The following IQGAP3 variants were observed in gnomAD, a reference collection of about 807,000 sequenced individuals.
IQGAP3 encodes IQ motif containing GTPase activating protein 3.
In IQGAP3, 165 loss-of-function variants were observed where a neutral mutation model predicts 208.2. That is an observed-to-expected ratio of 0.79 (90% CI 0.70 to 0.90). The LOEUF is 0.90. IQGAP3 is among the 40% of genes least tolerant of loss of function. IQGAP3 has a pLI of 0.00. For missense variants in IQGAP3, 1,811 were observed against 2,043.1 expected (o/e 0.89, Z 2.19); for synonymous variants, 703 against 803.6 (o/e 0.87, Z 2.12).
intron 11 of IQGAP3, among the ~76,000 whole-genome samples, chr1:156,559,449 G>A (rs1381490979): frequency 1.3e-5 from 2 of 152,224 alleles, no homozygotes; most frequent in Non-Finnish European, 2.9e-5. Flanking sequence ...ACATCAAGGA[G>A]AGCACAATCT....
intron 16 of IQGAP3, 102 bp downstream of exon 16, chr1:156,550,159 G>A (rs1675477259): frequency 1.3e-6 from 1 of 769,340 alleles, no homozygotes; most frequent in Admixed American, 2.1e-5. Context: ...AGAGGTTGAA[G>A]GGAGAGGGTG....
chr1:156,551,146 A>C (rs1428420367), intron 15 of IQGAP3, among the ~76,000 whole-genome samples: 1 of 152,192 alleles, frequency 6.6e-6, no homozygotes, highest in Non-Finnish European at 1.5e-5. Flanking sequence ...CTTACACCCC[A>C]TAACTATGAG....
chr1:156,532,791 G>A (rs982139259), intron 32 of IQGAP3, among the ~76,000 whole-genome samples, 189 bp downstream of exon 32: 1 of 152,158 alleles, frequency 6.6e-6, no homozygotes, highest in Non-Finnish European at 1.5e-5. Context: ...AGAGCAAAAA[G>A]CTGAGGATAC....
intron 3 of IQGAP3, 137 bp from the exon 4 acceptor site, chr1:156,566,241 C>T (rs1355516336): frequency 1.7e-6 from 2 of 1,211,398 alleles, no homozygotes; most frequent in African/African-American, 3.0e-5. Flanking sequence ...GATTTTCCAT[C>T]CCTACCAGGA....
chr1:156,538,970 C>G lies in IQGAP3; in HGVS notation c.3120G>C (p.Val1040=). ...TGNPTVVRLV[V]RFYRNGRGQS... ...GTCCCCGCCCATTACGGTAGAATCT[C>G]ACCACCAGCCTCACCACTGTTGGGT... Residue 1040 remains valine, a synonymous_variant, in exon 26 of 38, where the codon GTG becomes GTC. Transcript: ENST00000361170. The G allele has an allele frequency of 6.2e-7, 1 of 1,614,210 alleles. No homozygotes were observed. Among genetic ancestry groups the G allele is most frequent in the Non-Finnish European group, 8.5e-7 (1 of 1,180,022 alleles).
chr1:156,538,599 A>G (rs1403603177), intron 26 of IQGAP3, among the ~76,000 whole-genome samples: 1 of 152,260 alleles, frequency 6.6e-6, no homozygotes, highest in Non-Finnish European at 1.5e-5. Flanking sequence ...GTCTGAAGTC[A>G]TTTACATCAG....
intron 2 of IQGAP3, 59 bp from the exon 3 acceptor site, chr1:156,566,605 C>A (rs1298860725): frequency 1.3e-6 from 2 of 1,545,378 alleles, no homozygotes; most frequent in African/African-American, 1.4e-5. Context: ...TTTATTCTAA[C>A]AACAGGAACT....
At chr1:156,540,098 A>T in intron 23 of IQGAP3, 108 bp from the exon 24 acceptor site, 1 of 1,270,180 alleles carries the variant, frequency 7.9e-7, no homozygotes, top group Non-Finnish European at 1.1e-6. Flanking sequence ...CTGCTGTTCA[A>T]GGAACAGGCA....
Position 156,561,902 on chromosome 1 carries a change from A to G in IQGAP3, c.977T>C (p.Val326Ala), listed in dbSNP as rs779927496. The change falls in exon 10 of 38, where the codon GTG becomes GCG. Residue 326 changes from valine (V) to alanine (A), a missense_variant. Transcript: ENST00000361170. ...LQDPALALRGVRRDFADWYLE... is the reference protein window; with the variant it reads ...LQDPALALRGARRDFADWYLE... Reference sequence around the variant, plus strand: ...GTACCAGTCAGCAAAGTCTCTCCTCACCCCTCGCAGGGCCAGGGCAGGGTC... The same window carrying G: ...GTACCAGTCAGCAAAGTCTCTCCTCGCCCCTCGCAGGGCCAGGGCAGGGTC... The G allele has an allele frequency of 1.2e-6, 2 of 1,613,306 alleles. No individual in the cohort carries two copies. The highest frequency in any genetic ancestry group is 1.3e-5 in the African/African-American group (1 of 74,628).
At position 156,551,772 on chromosome 1, in the gene IQGAP3, T is replaced by A. The variant is rs1322146684; in HGVS notation, c.1667A>T (p.Asp556Val). The A allele has an allele frequency of 6.2e-7, 1 of 1,613,848 alleles. No homozygotes were observed. Among genetic ancestry groups the A allele is most frequent in the East Asian group, 2.2e-5 (1 of 44,880 alleles). The change falls in exon 15 of 38, where the codon GAT becomes GTT. Residue 556 changes from aspartate (D) to valine (V), a missense_variant. By Grantham distance (152) the Asp-to-Val change is radical. Transcript: ENST00000361170. ...ALLLPAAGLD[D>V]VSLPVAPRYH... ...CCGAGGGGCGACAGGGAGGCTGACATCATCTAGGCCAGCTGCAGGAAGCAG... is the reference window on the plus strand; with the variant it reads ...CCGAGGGGCGACAGGGAGGCTGACAACATCTAGGCCAGCTGCAGGAAGCAG...
rs563291993 is a variant in IQGAP3, at chr1:156,541,374, C to T, written c.2531-458G>A. 2.6e-5 allele frequency among the ~76,000 whole-genome samples: 4 copies of T among 152,170 alleles called. No individual in the cohort carries two copies. The East Asian group carries it at 5.8e-4, about 22-fold the overall frequency. Reference sequence around the variant, plus strand: ...TGCTCCTCTGTCAGGAATGTCTGTACACACCGGGAAGGACAGGTAGACGGG... The same window carrying T: ...TGCTCCTCTGTCAGGAATGTCTGTATACACCGGGAAGGACAGGTAGACGGG... On this transcript the variant is annotated intron_variant, in intron 22 of 37. Transcript: ENST00000361170.
At position 156,551,967 on chromosome 1, in the gene IQGAP3, T is replaced by C. The variant is rs894643949; in HGVS notation, c.1570+7A>G. 1 of 1,613,286 alleles carries C rather than the reference T, an allele frequency of 6.2e-7. No individual in the cohort carries two copies. Among genetic ancestry groups the C allele is most frequent in the African/African-American group, 1.3e-5 (1 of 74,916 alleles). Reference sequence around the variant, plus strand: ...GCCATCTCCACCCAGCTCCAGACTATACTTACGGTCAGTCTCTTCCTGGGT... The same window carrying C: ...GCCATCTCCACCCAGCTCCAGACTACACTTACGGTCAGTCTCTTCCTGGGT... On this transcript the variant is annotated splice_region_variant and intron_variant, in intron 14 of 37. Coordinates refer to ENST00000361170, the MANE Select transcript of IQGAP3 (RefSeq NM_178229.5).
rs550413908 is a variant in IQGAP3, at chr1:156,526,233, G to A, written c.*253C>T. 1.9e-5 allele frequency: 9 copies of A among 478,194 alleles called. No individual in the cohort carries two copies. In the South Asian group the frequency reaches 2.5e-4, roughly 13 times the overall value. 29.6% of individuals were successfully genotyped at this position (478,194 alleles called of 1,614,324 possible). A position where few individuals can be genotyped will look rare whatever the true frequency, so the allele number is the denominator to read the frequency against. ...AGGTCCATGTCCTACCATCTGGCAG[G>A]AAAGCCAGGGGTTTGTCATGCATGA... On this transcript the variant is annotated 3_prime_UTR_variant, in exon 38 of 38. Transcript: ENST00000361170.
intron 27 of IQGAP3, among the ~76,000 whole-genome samples, chr1:156,536,345 T>C (rs1357394021): frequency 1.5e-4 from 1 of 6,662 alleles, no homozygotes; most frequent in Non-Finnish European, 6.3e-4. Context: ...TAGAGGTTCG[T>C]GTTAAGTGAC....
rs747608925 is a variant in IQGAP3, at chr1:156,536,988, G to A, written c.3422+193C>T. The A allele has an allele frequency of 2.5e-5, 13 of 510,490 alleles. 1 individual carries two copies. The highest frequency in any genetic ancestry group is 1.4e-4 in the South Asian group (4 of 28,296). 31.6% of individuals were successfully genotyped at this position (510,490 alleles called of 1,614,324 possible). A position where few individuals can be genotyped will look rare whatever the true frequency, so the allele number is the denominator to read the frequency against. On this transcript the variant is annotated intron_variant, in intron 27 of 37. Coordinates refer to ENST00000361170, the MANE Select transcript of IQGAP3 (RefSeq NM_178229.5). ...CAGGCCACACACAGACTTGCACGCC[G>A]TCTCTCAGCTCAGCTCTCTAGCAGG...
At chr1:156,560,898 C>T (rs745935912) in intron 11 of IQGAP3, 36 bp downstream of exon 11, 18 of 1,406,350 alleles carry the variant, frequency 1.3e-5, no homozygotes, top group African/African-American at 2.8e-5. Context: ...GTCAGAGATA[C>T]GCACAGAGCA....
At chr1:156,562,453 CTT>C in intron 9 of IQGAP3, 132 bp downstream of exon 9, 1 of 734,758 alleles carries the variant, frequency 1.4e-6, no homozygotes, top group South Asian at 1.6e-5. Flanking sequence ...GGACTCTGAT[CTT>C]TCTCCGAGGC....
In IQGAP3 at chr1:156,534,159, ATG is replaced by A. The variant is rs1674568398; in HGVS notation, c.3741-20_3741-19del. 1 of 1,612,360 alleles carries A rather than the reference ATG, an allele frequency of 6.2e-7. No individual in the cohort carries two copies. The highest frequency in any genetic ancestry group is 8.5e-7 in the Non-Finnish European group (1 of 1,180,002). On this transcript the variant is annotated intron_variant, in intron 29 of 37. Transcript: ENST00000361170. Reference sequence around the variant, plus strand: ...TGAACTTCCTGTCCAGAGGGCGGGCATGTGAGAGAGCGGGGAGGGCCAGCACC... The same window carrying A: ...TGAACTTCCTGTCCAGAGGGCGGGCATGAGAGAGCGGGGAGGGCCAGCACC...
chr1:156,528,661 A>G, intron 35 of IQGAP3, 51 bp from the exon 36 acceptor site: 1 of 1,450,408 alleles, frequency 6.9e-7, no homozygotes, highest in East Asian at 2.3e-5. Flanking sequence ...CTTTACCACC[A>G]AAGAAACTTG....
Sources: allele counts gnomAD v4.1 joint callset (sites outside exome capture counted in the v4.1 genomes callset), GRCh38; gene constraint gnomAD v4.1.1; transcripts MANE v1.5; gene names NCBI Gene and HGNC (gene_info 2026-07-23, HGNC 2026-07-21).